C8orf34: variants seen among roughly 807,000 people sequenced by gnomAD.
C8orf34 encodes chromosome 8 open reading frame 34, also known as uncharacterized protein C8orf34.
A neutral mutation model predicts 68.3 loss-of-function variants in C8orf34; 65 were observed. The ratio of observed to expected loss-of-function variants is 0.95; its 90% CI spans 0.78 to 1.17. C8orf34 has a LOEUF of 1.17. C8orf34 is among the 50% of genes most tolerant of loss of function. The pLI is 0.00. For missense variants in C8orf34, 664 were observed against 655.4 expected, an observed-to-expected ratio of 1.01 and a Z score of -0.14; for synonymous variants, 244 against 241.2, an observed-to-expected ratio of 1.01 and a Z score of -0.11.
intron 3 of C8orf34, among the ~76,000 whole-genome samples, chr8:68,450,749 TTTG>T (rs1811307319): frequency 6.6e-6 from 1 of 152,110 alleles, no homozygotes; most frequent in African/African-American, 2.4e-5. Flanking sequence ...TCATCCAGGC[TTTG>T]TTGTTTTATC....
intron 1 of C8orf34, among the ~76,000 whole-genome samples, chr8:68,374,634 A>G (rs570161155): frequency 1.3e-5 from 2 of 152,322 alleles, no homozygotes; most frequent in South Asian, 4.1e-4. Context: ...CCAGTGCTAC[A>G]GAGTCTCTAA....
At chr8:68,479,814 A>G (rs1320312110) in intron 4 of C8orf34, among the ~76,000 whole-genome samples, 4 of 152,176 alleles carry the variant, frequency 2.6e-5, no homozygotes, top group African/African-American at 9.7e-5. Flanking sequence ...TTCTTGGAGA[A>G]ATGAATGCGC....
At chr8:68,723,907 C>T (rs1264715659) in intron 10 of C8orf34, among the ~76,000 whole-genome samples, 1 of 152,080 alleles carries the variant, frequency 6.6e-6, no homozygotes, top group Admixed American at 6.6e-5. Flanking sequence ...TACTGCTTCC[C>T]CAATGCAAAA....
intron 1 of C8orf34, among the ~76,000 whole-genome samples, chr8:68,426,868 TA>T (rs1193400044): frequency 7.2e-6 from 1 of 139,308 alleles, no homozygotes; most frequent in Non-Finnish European, 1.5e-5. Context: ...AAACTCCGTC[TA>T]AAAAAAAACC....
intron 1 of C8orf34, among the ~76,000 whole-genome samples, chr8:68,394,188 C>T (rs1808592809): frequency 6.6e-6 from 1 of 151,472 alleles, no homozygotes; most frequent in African/African-American, 2.4e-5. Context: ...GCTGCACCCA[C>T]TAACTCGTCA....
At position 68,352,693 on chromosome 8, in the gene C8orf34, C is replaced by T. The variant is rs79483152; in HGVS notation, c.327+21354C>T. On this transcript the variant is annotated intron_variant, in intron 1 of 13. Coordinates refer to ENST00000518698, the MANE Select transcript of C8orf34 (RefSeq NM_052958.4). Reference sequence around the variant, plus strand: ...GCAAATTGAAAGAGCCTTTTGGGTTCGAAATGTGTTAAAATATATCAAAGT... The same window carrying T: ...GCAAATTGAAAGAGCCTTTTGGGTTTGAAATGTGTTAAAATATATCAAAGT... Among the ~76,000 whole-genome samples the T allele has an allele frequency of 8.9e-3, 1,355 of 151,968 alleles. 41 individuals carry two copies. In the East Asian group the frequency reaches 0.1, roughly 12 times the overall value.
In C8orf34 at chr8:68,444,848, C is replaced by T. The variant is rs187201784; in HGVS notation, c.476-1481C>T. Among the ~76,000 whole-genome samples, 58 of 152,138 alleles carry T rather than the reference C, an allele frequency of 3.8e-4. No homozygotes were observed. In the East Asian group the frequency reaches 0.011, roughly 28 times the overall value. The stretch of plus-strand genomic sequence containing the variant: ...TCCTCTCTGGCTCCTTTTAATATTC[C>T]TTTATATAAAGAGATGCTATATTTT... On this transcript the variant is annotated intron_variant, in intron 2 of 13. Transcript: ENST00000518698.
At chr8:68,794,594 T>C (rs1160040543) in intron 12 of C8orf34, among the ~76,000 whole-genome samples, 1 of 146,704 alleles carries the variant, frequency 6.8e-6, no homozygotes, top group African/African-American at 2.6e-5. Flanking sequence ...AGCCTCAACC[T>C]TCTGGGGCCA....
rs374172756 is a variant in C8orf34, at chr8:68,627,193, G to A, written c.1106-13183G>A. Among the ~76,000 whole-genome samples the A allele has an allele frequency of 7.2e-5, 11 of 152,028 alleles. No individual in the cohort carries two copies. In the East Asian group the frequency reaches 9.7e-4, roughly 13 times the overall value. ...GTACCATCCTTGCCTTCTCCAGGTC[G>A]ACACTCTGAACGTTCTGCCTGACTT... On this transcript the variant is annotated intron_variant, in intron 7 of 13. Transcript: ENST00000518698.
chr8:68,720,960 A>T (rs1454047883), intron 9 of C8orf34, among the ~76,000 whole-genome samples: 1 of 151,986 alleles, frequency 6.6e-6, no homozygotes, highest in African/African-American at 2.4e-5. Context: ...AGAGCACAAA[A>T]TATTACTCAA....
chr8:68,435,005 G>A (rs950941294), intron 1 of C8orf34, among the ~76,000 whole-genome samples: 8 of 150,474 alleles, frequency 5.3e-5, no homozygotes, highest in African/African-American at 1.7e-4. Flanking sequence ...AGCTGAGATA[G>A]CTCCATTGCA....
intron 8 of C8orf34, among the ~76,000 whole-genome samples, chr8:68,687,832 C>T (rs1253197556): frequency 2.6e-5 from 4 of 152,048 alleles, no homozygotes; most frequent in Non-Finnish European, 4.4e-5. Context: ...AGACAACCCA[C>T]AGAATAGAGA....
chr8:68,567,208 ATTC>A (rs146884725), intron 7 of C8orf34, among the ~76,000 whole-genome samples: 5,021 of 152,140 alleles, frequency 0.033, 296 homozygotes, highest in African/African-American at 0.11. Context: ...ATTGGTACCA[ATTC>A]TTCTTTGAAT....
intron 7 of C8orf34, among the ~76,000 whole-genome samples, chr8:68,598,980 G>T (rs1420218766): frequency 6.6e-6 from 1 of 151,380 alleles, no homozygotes; most frequent in Non-Finnish European, 1.5e-5. Context: ...AGGTAAAAGA[G>T]AATAGAAAAT....
chr8:68,777,884 A>T (rs949077667), intron 11 of C8orf34, among the ~76,000 whole-genome samples: 2 of 152,218 alleles, frequency 1.3e-5, no homozygotes, highest in African/African-American at 4.8e-5. Context: ...AAATCTCTCC[A>T]GTTTATGAGA....
intron 10 of C8orf34, among the ~76,000 whole-genome samples, chr8:68,770,203 C>T (rs117298313): frequency 3.0e-4 from 45 of 152,310 alleles, no homozygotes; most frequent in Non-Finnish European, 5.7e-4. Context: ...TCATATAAAA[C>T]ACAACCCTCT....
At chr8:68,716,185 G>A (rs1487709886) in intron 9 of C8orf34, among the ~76,000 whole-genome samples, 1 of 151,916 alleles carries the variant, frequency 6.6e-6, no homozygotes, top group African/African-American at 2.4e-5. Context: ...GGGTGGTGAA[G>A]GATAAAAGAC....
rs79156698 is a variant in C8orf34 at position 68,427,758 on chromosome 8, A to G, written c.328-11741A>G. On this transcript the variant is annotated intron_variant, in intron 1 of 13. Transcript: ENST00000518698. ...ATGTCAGTTTCTTAATTTTCATATC[A>G]TATTATAATTTTTCAAGATATCAAC... is the stretch of plus-strand genomic sequence containing the variant. Among the ~76,000 whole-genome samples the G allele has an allele frequency of 8.0e-3, 1,214 of 152,128 alleles. 40 individuals are homozygous for G. In the East Asian group the frequency reaches 0.11, roughly 13 times the overall value.
chr8:68,449,672 G>T (rs1274670600), intron 3 of C8orf34, among the ~76,000 whole-genome samples: 2 of 152,004 alleles, frequency 1.3e-5, no homozygotes, highest in Non-Finnish European at 2.9e-5. Context: ...AGAAAACAAT[G>T]TACATATTTT....
Sources: gnomAD v4.1 joint callset for allele counts (sites outside exome capture counted in the v4.1 genomes callset) on GRCh38, gnomAD v4.1.1 for gene constraint, MANE v1.5 for transcripts, NCBI Gene and HGNC (gene_info 2026-07-23, HGNC 2026-07-21) for gene names.